The following INPP5F variants were observed in gnomAD, a reference collection of about 807,000 sequenced individuals.
INPP5F encodes the protein phosphatidylinositide 4-phosphatase SAC2.
A neutral mutation model predicts 137.2 loss-of-function variants in INPP5F; 97 were observed. That is an observed-to-expected ratio of 0.71 (90% CI 0.60 to 0.84). INPP5F has a LOEUF of 0.84. Ranked by LOEUF, INPP5F falls within the 40% of genes least tolerant of loss-of-function variation. INPP5F has a pLI of 0.00. For missense variants in INPP5F, 1,271 were observed against 1,371.9 expected (o/e 0.93, Z 1.16); for synonymous variants, 504 against 476.9 (o/e 1.06, Z -0.74).
At position 119,827,295 on chromosome 10, in the gene INPP5F, A is replaced by T. The variant is rs1589763507; in HGVS notation, c.2914A>T (p.Thr972Ser). 1 of 1,614,032 alleles carries T rather than the reference A, an allele frequency of 6.2e-7. No individual in the cohort carries two copies. Among genetic ancestry groups the T allele is most frequent in the Admixed American group, 1.7e-5 (1 of 59,992 alleles). ...TGTGCAAGATGCACAGAACAAAGTG[A>T]CCCACCTATCAGAGACCAGATCTGT... is the stretch of plus-strand genomic sequence containing the variant. ...RFVQDAQNKV[T>S]HLSETRSVSQ... The change falls in exon 20 of 20, where the codon ACC becomes TCC. Residue 972 changes from threonine (T) to serine (S), a missense_variant. By Grantham distance (58) the Thr-to-Ser change is moderately conservative. This residue lies in a region of INPP5F where 490 missense variants were observed against 443.7 expected (regional missense o/e 1.10). Coordinates refer to ENST00000650623, the MANE Select transcript of INPP5F (RefSeq NM_014937.4).
chr10:119,750,584 A>C (rs1297547727), intron 1 of INPP5F, among the ~76,000 whole-genome samples: 1 of 152,236 alleles, frequency 6.6e-6, no homozygotes, highest in African/African-American at 2.4e-5. Flanking sequence ...AACAGTTCCT[A>C]TTGTATTTGT....
intron 2 of INPP5F, among the ~76,000 whole-genome samples, chr10:119,761,768 C>T (rs1737940074): frequency 6.6e-6 from 1 of 151,970 alleles, no homozygotes; most frequent in Non-Finnish European, 1.5e-5. Flanking sequence ...GCAGCAGATA[C>T]CAATGAAGTA....
intron 4 of INPP5F, 52 bp downstream of exon 4, chr10:119,791,697 T>A (rs1369971769): frequency 6.7e-7 from 1 of 1,491,718 alleles, no homozygotes; most frequent in Non-Finnish European, 9.2e-7. Context: ...TAGTTTTAAA[T>A]AGAGAGATAA....
At chr10:119,731,744 G>T (rs553265027) in intron 1 of INPP5F, among the ~76,000 whole-genome samples, 2 of 152,140 alleles carry the variant, frequency 1.3e-5, no homozygotes, top group African/African-American at 2.4e-5. Flanking sequence ...ATATTAAATG[G>T]CTTACAAAAT....
intron 1 of INPP5F, among the ~76,000 whole-genome samples, chr10:119,736,248 G>A (rs1848212690): frequency 6.6e-6 from 1 of 152,138 alleles, no homozygotes. Flanking sequence ...TGTTTGAGGT[G>A]GTTGTTACTT....
chr10:119,797,187 G>C (rs1447948619), intron 7 of INPP5F, among the ~76,000 whole-genome samples: 1 of 152,208 alleles, frequency 6.6e-6, no homozygotes, highest in Non-Finnish European at 1.5e-5. Context: ...GCACTCCACT[G>C]ACAGCCTGTA....
intron 6 of INPP5F, among the ~76,000 whole-genome samples, chr10:119,795,917 A>G (rs952416414): frequency 2.6e-5 from 4 of 152,182 alleles, no homozygotes; most frequent in African/African-American, 9.7e-5. Context: ...CTCCACCAAA[A>G]AAATATGAAA....
At chr10:119,811,153 G>A (rs1851012353) in intron 14 of INPP5F, among the ~76,000 whole-genome samples, 1 of 152,222 alleles carries the variant, frequency 6.6e-6, no homozygotes, top group Non-Finnish European at 1.5e-5. Context: ...CACAGCATCA[G>A]CTGCATCCAG....
rs756912316 is a variant in INPP5F at position 119,827,215 on chromosome 10, A to G, written c.2834A>G (p.Asp945Gly). Residue 945 changes from aspartate to glycine, a missense_variant, in exon 20 of 20, where the codon GAC becomes GGC. This residue lies in a region of INPP5F where 490 missense variants were observed against 443.7 expected (regional missense o/e 1.10). Coordinates refer to ENST00000650623, the MANE Select transcript of INPP5F (RefSeq NM_014937.4). Reference protein sequence around the residue: ...SPLKKSPSAGDVHILTGFAKP... With the variant: ...SPLKKSPSAGGVHILTGFAKP... ...TTGAAGAAAAGTCCTTCTGCTGGCGACGTACACATATTGACTGGCTTTGCC... is the reference window on the plus strand; with the variant it reads ...TTGAAGAAAAGTCCTTCTGCTGGCGGCGTACACATATTGACTGGCTTTGCC... The G allele has an allele frequency of 6.2e-7, 1 of 1,614,126 alleles. No homozygotes were observed. Among genetic ancestry groups the G allele is most frequent in the South Asian group, 1.1e-5 (1 of 91,078 alleles).
intron 2 of INPP5F, among the ~76,000 whole-genome samples, chr10:119,780,143 A>G (rs974427301): frequency 6.6e-6 from 1 of 152,210 alleles, no homozygotes; most frequent in African/African-American, 2.4e-5. Flanking sequence ...TTAAGGGGCC[A>G]TTACTGCATA....
At chr10:119,756,550 C>T (rs1015402042) in intron 2 of INPP5F, among the ~76,000 whole-genome samples, 12 of 150,802 alleles carry the variant, frequency 8.0e-5, no homozygotes, top group African/African-American at 2.4e-4. Context: ...GCAGGATAAT[C>T]GCTTGAACCC....
chr10:119,823,968 T>C, intron 19 of INPP5F, 66 bp downstream of exon 19: 2 of 1,230,714 alleles, frequency 1.6e-6, no homozygotes, highest in Admixed American at 1.8e-5. Flanking sequence ...TTTAAAATTA[T>C]TTGCAGGGGG....
chr10:119,827,750 A>G lies in INPP5F; in HGVS notation c.3369A>G (p.Ile1123Met), dbSNP rs748288097. Residue 1123 changes from isoleucine to methionine, a missense_variant, in exon 20 of 20, where the codon ATA becomes ATG. Coordinates refer to ENST00000650623, the MANE Select transcript of INPP5F (RefSeq NM_014937.4). ...AAAATGAACTTAAAAAGATGTTTATACAATGCCAGACACGGATAATTCAGA... is the reference window on the plus strand; with the variant it reads ...AAAATGAACTTAAAAAGATGTTTATGCAATGCCAGACACGGATAATTCAGA... ...VQQNELKKMF[I>M]QCQTRIIQI 2.5e-6 allele frequency: 4 copies of G among 1,611,568 alleles called. No homozygotes were observed. The highest frequency in any genetic ancestry group is 2.2e-5 in the South Asian group (2 of 90,668).
chr10:119,726,889 T>A (rs1847911531), intron 1 of INPP5F, among the ~76,000 whole-genome samples: 1 of 152,246 alleles, frequency 6.6e-6, no homozygotes. Context: ...TCATAGGCAC[T>A]CGGTTTAAAG....
intron 2 of INPP5F, among the ~76,000 whole-genome samples, chr10:119,778,479 A>G (rs1849598383): frequency 6.6e-6 from 1 of 152,264 alleles, no homozygotes; most frequent in East Asian, 1.9e-4. Flanking sequence ...TGTCTTTCAT[A>G]GACTATTTTT....
At chr10:119,798,785 A>ATTTT (rs1850480891) in intron 9 of INPP5F, among the ~76,000 whole-genome samples, 175 bp downstream of exon 9, 2 of 125,938 alleles carry the variant, frequency 1.6e-5, no homozygotes, top group Non-Finnish European at 3.5e-5. Context: ...TGAGTCAGCT[A>ATTTT]CTTTTTTTTT....
At chr10:119,789,821 T>C (rs1416675203) in intron 3 of INPP5F, among the ~76,000 whole-genome samples, 2 of 151,360 alleles carry the variant, frequency 1.3e-5, no homozygotes, top group African/African-American at 4.9e-5. Context: ...GGACCAAACG[T>C]TGGGGCACCT....
chr10:119,798,470 A>G, intron 8 of INPP5F, 73 bp from the exon 9 acceptor site: 2 of 964,602 alleles, frequency 2.1e-6, no homozygotes, highest in East Asian at 4.9e-5. Context: ...AAAAGTAAGA[A>G]TAAAGATGGA....
chr10:119,783,007 G>A (rs995523331), intron 3 of INPP5F, among the ~76,000 whole-genome samples: 14 of 152,204 alleles, frequency 9.2e-5, no homozygotes, highest in Admixed American at 3.3e-4. Context: ...ATGAATTTAA[G>A]TGGACTCTGA....
Sources: allele counts gnomAD v4.1 joint callset (sites outside exome capture counted in the v4.1 genomes callset), GRCh38; gene constraint gnomAD v4.1.1; regional missense constraint gnomAD v4.1.1; transcripts MANE v1.5; gene names NCBI Gene and HGNC (gene_info 2026-07-23, HGNC 2026-07-21).